NARS2: variants seen among roughly 807,000 people sequenced by gnomAD.
NARS2 encodes asparaginyl-tRNA synthetase 2, mitochondrial, also known as asparaginyl-tRNA synthetase.
A neutral mutation model predicts 62.9 loss-of-function variants in NARS2; 60 were observed. The ratio of observed to expected loss-of-function variants is 0.95; its 90% CI spans 0.77 to 1.18. The LOEUF is 1.18. NARS2 is among the 50% of genes most tolerant of loss of function. NARS2 has a pLI of 0.00. For missense variants in NARS2, 619 were observed against 576.4 expected, an observed-to-expected ratio of 1.07 and a Z score of -0.76; for synonymous variants, 196 against 200.0, an observed-to-expected ratio of 0.98 and a Z score of 0.17.
At chr11:78,560,054 C>T (rs1199832291) in intron 4 of NARS2, among the ~76,000 whole-genome samples, 2 of 152,140 alleles carry the variant, frequency 1.3e-5, no homozygotes, top group African/African-American at 4.8e-5. Context: ...AATGATGCTG[C>T]CCACGTTGCT....
At position 78,494,698 on chromosome 11, in the gene NARS2, T is replaced by C. The variant is rs901684467; in HGVS notation, c.690-1503A>G. Among the ~76,000 whole-genome samples the C allele has an allele frequency of 3.3e-5, 5 of 152,254 alleles. No homozygotes were observed. In the East Asian group the frequency reaches 5.8e-4, roughly 18 times the overall value. On this transcript the variant is annotated intron_variant, in intron 6 of 13. Transcript: ENST00000281038. ...AATAAACAGTAGGAACTCAAAAATA[T>C]TACTATGGTTGCCTTTCTTCCAAGA...
chr11:78,550,563 T>A (rs540585937), intron 5 of NARS2, among the ~76,000 whole-genome samples: 51 of 152,216 alleles, frequency 3.4e-4, no homozygotes, highest in Admixed American at 5.2e-4. Flanking sequence ...CACAATAATA[T>A]GCCACTTTAC....
At chr11:78,521,132 A>G (rs987911745) in intron 6 of NARS2, among the ~76,000 whole-genome samples, 4 of 150,710 alleles carry the variant, frequency 2.7e-5, no homozygotes, top group Non-Finnish European at 4.4e-5. Context: ...AATTGTCAAC[A>G]TTATATCAAT....
At chr11:78,567,452 G>A (rs1856782615) in intron 3 of NARS2, among the ~76,000 whole-genome samples, 2 of 152,090 alleles carry the variant, frequency 1.3e-5, no homozygotes, top group South Asian at 4.1e-4. Flanking sequence ...TGAGACCATA[G>A]TTCACCGTGG....
At chr11:78,473,904 A>G (rs1858979781) in intron 9 of NARS2, among the ~76,000 whole-genome samples, 1 of 152,090 alleles carries the variant, frequency 6.6e-6, no homozygotes, top group Non-Finnish European at 1.5e-5. Flanking sequence ...TGCTACGTCT[A>G]TTCTCATGTC....
At chr11:78,469,786 T>A (rs1325806222) in intron 9 of NARS2, among the ~76,000 whole-genome samples, 1 of 151,654 alleles carries the variant, frequency 6.6e-6, no homozygotes, top group African/African-American at 2.4e-5. Flanking sequence ...GAGCGAGAGA[T>A]GCAGGTGAGG....
intron 5 of NARS2, among the ~76,000 whole-genome samples, chr11:78,539,519 C>A (rs1463990063): frequency 6.6e-6 from 1 of 152,086 alleles, no homozygotes; most frequent in Non-Finnish European, 1.5e-5. Context: ...TATTAGACAT[C>A]AAAGGAGAAA....
intron 9 of NARS2, among the ~76,000 whole-genome samples, chr11:78,472,474 T>G (rs1179155549): frequency 6.6e-6 from 1 of 152,130 alleles, no homozygotes; most frequent in African/African-American, 2.4e-5. Context: ...ATAAAAAAGG[T>G]AAGTACTCTA....
At chr11:78,504,992 C>T (rs187357312) in intron 6 of NARS2, among the ~76,000 whole-genome samples, 54 of 151,646 alleles carry the variant, frequency 3.6e-4, no homozygotes, top group Admixed American at 9.2e-4. Context: ...GTAAAATACA[C>T]GGAAATGTTT....
At position 78,552,935 on chromosome 11, in the gene NARS2, C is replaced by T. The variant is rs148470605; in HGVS notation, c.594+6604G>A. ...TGGAGTTCACAATATTTGGGCTTCA[C>T]AATGATAAAATGCTTTATATTCCTC... On this transcript the variant is annotated intron_variant, in intron 5 of 13. Transcript: ENST00000281038. Among the ~76,000 whole-genome samples the T allele has an allele frequency of 5.9e-3, 898 of 152,282 alleles. 6 individuals are homozygous for T. Among genetic ancestry groups the T allele is most frequent in the South Asian group, 0.012 (57 of 4,822 alleles).
chr11:78,486,747 T>C (rs995544804), intron 7 of NARS2, among the ~76,000 whole-genome samples: 3 of 152,076 alleles, frequency 2.0e-5, no homozygotes, highest in African/African-American at 4.8e-5. Flanking sequence ...GAAAATCTTA[T>C]GAATTCTCAT....
At chr11:78,478,014 C>T (rs976683288) in intron 9 of NARS2, among the ~76,000 whole-genome samples, 16 of 152,180 alleles carry the variant, frequency 1.1e-4, no homozygotes, top group South Asian at 6.2e-4. Context: ...TTAACTCTCA[C>T]GCAGATCACT....
intron 1 of NARS2, among the ~76,000 whole-genome samples, chr11:78,572,180 T>TCAAAAAAA (rs1326055463): frequency 2.0e-5 from 3 of 152,162 alleles, no homozygotes; most frequent in African/African-American, 7.2e-5. Context: ...AGACTCCATC[T>TCAAAAAAA]CAAAAAAACA....
rs569373111 is a variant in NARS2 at position 78,503,837 on chromosome 11, AAGG to A, written c.690-10645_690-10643del. The stretch of plus-strand genomic sequence containing the variant: ...ATTTTCCCTGAATTGGAGGAGTAAG[AAGG>A]AGGAGGAGGAGGAGAAGGAAGAAGA... On this transcript the variant is annotated intron_variant, in intron 6 of 13. Transcript: ENST00000281038. 2.4e-3 allele frequency among the ~76,000 whole-genome samples: 371 copies of A among 152,212 alleles called. 1 individual carries two copies. The highest frequency in any genetic ancestry group is 8.0e-3 in the African/African-American group (334 of 41,532).
Position 78,436,792 on chromosome 11 carries a change from C to G in NARS2, c.1312G>C (p.Gly438Arg). Residue 438 changes from glycine to arginine, a missense_variant, in exon 14 of 14, where the codon GGA becomes CGA. Gly to Arg is a moderately radical substitution (Grantham distance 125). Transcript: ENST00000281038. ...YQWYLDLRRF[G>R]SVPHGGFGMG... Reference sequence around the variant, plus strand: ...CCAAAACCTCCATGTGGCACAGATCCAAATCGACGAAGGTCCAGATACCTG... The same window carrying G: ...CCAAAACCTCCATGTGGCACAGATCGAAATCGACGAAGGTCCAGATACCTG... 4 of 1,614,006 alleles carry G rather than the reference C, an allele frequency of 2.5e-6. No homozygotes were observed. The highest frequency in any genetic ancestry group is 3.4e-6 in the Non-Finnish European group (4 of 1,179,932).
chr11:78,475,300 G>A (rs982057455), intron 9 of NARS2, among the ~76,000 whole-genome samples: 1 of 152,046 alleles, frequency 6.6e-6, no homozygotes, highest in Non-Finnish European at 1.5e-5. Context: ...ACTTTATCCA[G>A]TCACCTACTG....
At chr11:78,553,235 G>C (rs965130603) in intron 5 of NARS2, among the ~76,000 whole-genome samples, 2 of 151,886 alleles carry the variant, frequency 1.3e-5, no homozygotes, top group Non-Finnish European at 2.9e-5. Context: ...TCATATGCTT[G>C]TTGGCCTCAA....
intron 6 of NARS2, among the ~76,000 whole-genome samples, chr11:78,504,824 T>A (rs1860426575): frequency 6.6e-6 from 1 of 152,090 alleles, no homozygotes; most frequent in South Asian, 2.1e-4. Context: ...TTTAGGGTGA[T>A]CACAGGTCTT....
intron 11 of NARS2, among the ~76,000 whole-genome samples, chr11:78,445,105 T>C (rs1159069976): frequency 1.3e-5 from 2 of 152,352 alleles, no homozygotes; most frequent in South Asian, 2.1e-4. Flanking sequence ...AGATGTTGTG[T>C]TGCTACTGTG....
Sources: gnomAD v4.1 joint callset for allele counts (sites outside exome capture counted in the v4.1 genomes callset) on GRCh38, gnomAD v4.1.1 for gene constraint, MANE v1.5 for transcripts, NCBI Gene and HGNC (gene_info 2026-07-23, HGNC 2026-07-21) for gene names.